Variants in CNTNAP2 observed in about 807,000 individuals in gnomAD.
CNTNAP2 encodes the protein contactin associated protein 2, also known as contactin-associated protein-like 2.
In CNTNAP2, 98 loss-of-function variants were observed where a neutral mutation model predicts 155.2. The ratio of observed to expected loss-of-function variants is 0.63; its 90% CI spans 0.54 to 0.75. CNTNAP2 has a LOEUF of 0.75. Among genes scored for constraint, CNTNAP2 ranks in the 30% least tolerant of loss-of-function variants. The pLI, the probability that CNTNAP2 is intolerant of heterozygous loss-of-function variation, is 0.00. For synonymous variants in CNTNAP2, 651 were observed against 631.2 expected (o/e 1.03, Z -0.47); for missense variants, 1,727 against 1,688.1 (o/e 1.02, Z -0.40).
chr7:146,738,841 GTTTTT>G (rs573424179), intron 1 of CNTNAP2, among the ~76,000 whole-genome samples: 1 of 133,582 alleles, frequency 7.5e-6, no homozygotes, highest in Non-Finnish European at 1.6e-5. Flanking sequence ...AAGATTTTCT[GTTTTT>G]TTTTTTTCAT....
At chr7:146,217,604 A>G (rs62504817) in intron 1 of CNTNAP2, among the ~76,000 whole-genome samples, 1 of 152,198 alleles carries the variant, frequency 6.6e-6, no homozygotes, top group African/African-American at 2.4e-5. Context: ...TCTCTACACG[A>G]AAGTATGCTT....
At chr7:147,154,784 T>C (rs988563344) in intron 8 of CNTNAP2, among the ~76,000 whole-genome samples, 34 of 152,050 alleles carry the variant, frequency 2.2e-4, no homozygotes, top group Non-Finnish European at 4.4e-4. Context: ...CTACTAATCA[T>C]TGAATGTTTA....
intron 15 of CNTNAP2, among the ~76,000 whole-genome samples, chr7:148,061,840 T>C (rs1156996562): frequency 4.7e-5 from 7 of 149,918 alleles, no homozygotes; most frequent in Non-Finnish European, 1.0e-4. Context: ...GATACCTAGA[T>C]AGTTAGATAA....
intron 1 of CNTNAP2, among the ~76,000 whole-genome samples, chr7:146,287,322 C>A (rs975584126): frequency 6.6e-6 from 1 of 151,974 alleles, no homozygotes; most frequent in Non-Finnish European, 1.5e-5. Context: ...AGTAGGTGTC[C>A]CCACTGGGAC....
chr7:148,283,553 A>T (rs1797027466), intron 21 of CNTNAP2, among the ~76,000 whole-genome samples: 1 of 152,222 alleles, frequency 6.6e-6, no homozygotes, highest in Non-Finnish European at 1.5e-5. Flanking sequence ...CAATGTGTAC[A>T]TTCTCATTTG....
intron 11 of CNTNAP2, among the ~76,000 whole-genome samples, chr7:147,561,794 T>G (rs1800069663): frequency 6.6e-6 from 1 of 152,164 alleles, no homozygotes; most frequent in Admixed American, 6.5e-5. Flanking sequence ...ATATAAGTTT[T>G]TTATAGTAAG....
chr7:147,596,827 C>G (rs1202308616), intron 12 of CNTNAP2, among the ~76,000 whole-genome samples: 1 of 152,174 alleles, frequency 6.6e-6, no homozygotes, highest in African/African-American at 2.4e-5. Context: ...GCTGATAAAA[C>G]AGGTTGCAGT....
At chr7:146,541,909 A>G (rs1797959160) in intron 1 of CNTNAP2, among the ~76,000 whole-genome samples, 1 of 152,020 alleles carries the variant, frequency 6.6e-6, no homozygotes, top group South Asian at 2.1e-4. Flanking sequence ...CCATATTGTT[A>G]ATTTAATGTT....
In CNTNAP2 at chr7:147,108,172, C is replaced by T. The variant is rs765674309; in HGVS notation, c.576C>T (p.Gly192=). The T allele has an allele frequency of 5.6e-6, 9 of 1,613,012 alleles. No homozygotes were observed. The highest frequency in any genetic ancestry group is 7.6e-6 in the Non-Finnish European group (9 of 1,179,652). ...GGGCTGATGTTATCAACTTTGATGG[C>T]CATGTTGTATTACCATATAGATTCA... ...SYWADVINFD[G]HVVLPYRFRN... The change falls in exon 5 of 24, where the codon GGC becomes GGT. Residue 192 remains glycine, a synonymous_variant. Transcript: ENST00000361727.
rs1328028362 is a variant in CNTNAP2, at chr7:147,272,644, G to GC, written c.1349-27495dup. Among the ~76,000 whole-genome samples, 27 of 150,094 alleles carry GC rather than the reference G, an allele frequency of 1.8e-4. No individual in the cohort carries two copies. The East Asian group carries it at 3.5e-3, about 20-fold the overall frequency. ...CTCTCGAGTAGCTGGGACTACAGGC[G>GC]CCGCCACCACGCCCGGCTAATTTTT... On this transcript the variant is annotated intron_variant, in intron 8 of 23. Coordinates refer to ENST00000361727, the MANE Select transcript of CNTNAP2 (RefSeq NM_014141.6).
At chr7:146,341,523 A>G (rs1794727237) in intron 1 of CNTNAP2, among the ~76,000 whole-genome samples, 1 of 152,148 alleles carries the variant, frequency 6.6e-6, no homozygotes, top group Non-Finnish European at 1.5e-5. Flanking sequence ...CAGTTGCGAC[A>G]ATTTTGTGCA....
In CNTNAP2 at chr7:147,525,098, C is replaced by T. The variant is rs886283823; in HGVS notation, c.1778-37040C>T. Among the ~76,000 whole-genome samples the T allele has an allele frequency of 2.6e-5, 4 of 152,306 alleles. No individual in the cohort carries two copies. The East Asian group carries it at 5.8e-4, about 22-fold the overall frequency. On this transcript the variant is annotated intron_variant, in intron 11 of 23. Transcript: ENST00000361727. Reference sequence around the variant, plus strand: ...AGGCATGAGAGCCACAAACGGGTGACAGAATATCTCAAGAGACAATCTAGC... The same window carrying T: ...AGGCATGAGAGCCACAAACGGGTGATAGAATATCTCAAGAGACAATCTAGC...
chr7:148,090,242 A>G (rs1323363814), intron 15 of CNTNAP2, among the ~76,000 whole-genome samples: 1 of 152,164 alleles, frequency 6.6e-6, no homozygotes, highest in Non-Finnish European at 1.5e-5. Flanking sequence ...AGCAAAAGCC[A>G]AAATAGACAA....
chr7:148,366,997 C>T (rs1016760644), intron 21 of CNTNAP2, among the ~76,000 whole-genome samples: 1 of 152,144 alleles, frequency 6.6e-6, no homozygotes, highest in African/African-American at 2.4e-5. Flanking sequence ...CTTTGGGAGG[C>T]CCAGGAAGGC....
At chr7:147,729,833 A>G (rs1182362216) in intron 13 of CNTNAP2, among the ~76,000 whole-genome samples, 1 of 152,136 alleles carries the variant, frequency 6.6e-6, no homozygotes, top group African/African-American at 2.4e-5. Context: ...GCACCATTAT[A>G]GAACATGACT....
chr7:146,643,512 G>T (rs1205382103), intron 1 of CNTNAP2, among the ~76,000 whole-genome samples: 1 of 151,990 alleles, frequency 6.6e-6, no homozygotes, highest in East Asian at 1.9e-4. Flanking sequence ...CTGTTCCATT[G>T]ATCTATATCT....
intron 13 of CNTNAP2, among the ~76,000 whole-genome samples, chr7:147,737,967 G>T (rs201852097): frequency 6.6e-6 from 1 of 152,188 alleles, no homozygotes; most frequent in Admixed American, 6.5e-5. Context: ...TGCACTTCCC[G>T]GGTGAGGCGA....
At chr7:147,243,881 GGACACACT>G (rs1803996436) in intron 8 of CNTNAP2, among the ~76,000 whole-genome samples, 2 of 151,660 alleles carry the variant, frequency 1.3e-5, no homozygotes, top group Non-Finnish European at 2.9e-5. Flanking sequence ...TTGGCACCAA[GGACACACT>G]AAAATTGTAA....
At chr7:147,888,115 G>A (rs2116726807) in intron 13 of CNTNAP2, among the ~76,000 whole-genome samples, 1 of 152,132 alleles carries the variant, frequency 6.6e-6, no homozygotes, top group African/African-American at 2.4e-5. Flanking sequence ...CAAATGTATG[G>A]GGAAACAAGA....
Sources: gnomAD v4.1 joint callset for allele counts (sites outside exome capture counted in the v4.1 genomes callset) on GRCh38, gnomAD v4.1.1 for gene constraint, MANE v1.5 for transcripts, NCBI Gene and HGNC (gene_info 2026-07-23, HGNC 2026-07-21) for gene names.